ZNF236: variants seen among roughly 807,000 people sequenced by gnomAD.
ZNF236 encodes regulated by glucose.
ZNF236 carries 50 observed loss-of-function variants against 191.2 expected under a neutral mutation model. The observed-to-expected ratio is 0.26, with a 90% confidence interval of 0.21 to 0.33. The LOEUF (loss-of-function observed/expected upper bound fraction) is 0.33, where lower values mean the gene tolerates loss of function less well. ZNF236 is among the 10% of genes least tolerant of loss of function. The pLI is 1.00. For missense variants in ZNF236, 1,754 were observed against 2,374.5 expected (o/e 0.74, Z 5.43); for synonymous variants, 907 against 928.8 (o/e 0.98, Z 0.43).
rs187130751 is a variant in ZNF236, at chr18:76,873,907, C to G, written c.668-1585C>G. On this transcript the variant is annotated intron_variant, in intron 5 of 30. Coordinates refer to ENST00000320610, the MANE Select transcript of ZNF236 (RefSeq NM_001306089.2). ...CCTGTCGTCCTCTCCTGTCCCCATG[C>G]GGGCAGAGCCGTGACCGGGCCACAC... 7.9e-3 allele frequency among the ~76,000 whole-genome samples: 1,196 copies of G among 151,382 alleles called. 7 individuals carry two copies. Among genetic ancestry groups the G allele is most frequent in the Non-Finnish European group, 0.012 (783 of 67,858 alleles).
intron 11 of ZNF236, among the ~76,000 whole-genome samples, chr18:76,899,568 C>T (rs574856199): frequency 1.3e-5 from 2 of 152,258 alleles, no homozygotes; most frequent in African/African-American, 2.4e-5. Context: ...ACACAGTGCA[C>T]GTTGTTGTTT....
At chr18:76,827,219 C>T (rs769461727) in intron 1 of ZNF236, among the ~76,000 whole-genome samples, 17 of 151,726 alleles carry the variant, frequency 1.1e-4, no homozygotes, top group Non-Finnish European at 1.9e-4. Context: ...GAGTTTTGCC[C>T]TTTTTGCCCA....
chr18:76,831,301 A>C (rs1041321167), intron 1 of ZNF236, among the ~76,000 whole-genome samples: 3 of 152,212 alleles, frequency 2.0e-5, no homozygotes, highest in Admixed American at 2.0e-4. Context: ...AGCTGGAAGC[A>C]TTCAGTATGC....
intron 1 of ZNF236, among the ~76,000 whole-genome samples, chr18:76,826,805 A>AG (rs1164948430): frequency 1.3e-5 from 2 of 151,758 alleles, no homozygotes; most frequent in African/African-American, 4.8e-5. Flanking sequence ...GTCTCAAAAA[A>AG]AAAAAAAAAG....
chr18:76,871,557 G>A (rs74905148), intron 4 of ZNF236, 144 bp from the exon 5 acceptor site: 15,991 of 804,256 alleles, frequency 0.02, 209 homozygotes, highest in East Asian at 0.031. Context: ...TATACACACA[G>A]ACACATACAT....
At chr18:76,945,407 A>T (rs1968234342) in intron 26 of ZNF236, among the ~76,000 whole-genome samples, 1 of 152,250 alleles carries the variant, frequency 6.6e-6, no homozygotes, top group Admixed American at 6.5e-5. Flanking sequence ...GTCACAAAAA[A>T]GTATAGCATT....
At position 76,841,548 on chromosome 18, in the gene ZNF236, C is replaced by T. The variant is rs1023805697; in HGVS notation, c.56-7978C>T. 3.3e-5 allele frequency among the ~76,000 whole-genome samples: 5 copies of T among 152,276 alleles called. No homozygotes were observed. The East Asian group carries it at 7.7e-4, about 23-fold the overall frequency. On this transcript the variant is annotated intron_variant, in intron 1 of 30. Coordinates refer to ENST00000320610, the MANE Select transcript of ZNF236 (RefSeq NM_001306089.2). ...AATTGTTTCATTGGAACTACTCATGCCTTTGATAATTGGGTACTTTGGCTT... is the reference window on the plus strand; with the variant it reads ...AATTGTTTCATTGGAACTACTCATGTCTTTGATAATTGGGTACTTTGGCTT...
intron 26 of ZNF236, among the ~76,000 whole-genome samples, chr18:76,946,371 C>T (rs982504003): frequency 5.3e-5 from 8 of 152,240 alleles, no homozygotes; most frequent in African/African-American, 1.9e-4. Flanking sequence ...AAACCTCTTT[C>T]TTTTGTAAAT....
chr18:76,852,105 A>G (rs1975895391), intron 3 of ZNF236, among the ~76,000 whole-genome samples, 166 bp downstream of exon 3: 1 of 152,220 alleles, frequency 6.6e-6, no homozygotes, highest in African/African-American at 2.4e-5. Flanking sequence ...CTGATAAGAC[A>G]TTTTATTTTC....
chr18:76,886,879 G>T (rs1009594588), intron 9 of ZNF236: 11 of 188,930 alleles, frequency 5.8e-5, no homozygotes, highest in Admixed American at 2.4e-4. Context: ...GCTAGTCACC[G>T]CAGCGTCAGT....
chr18:76,920,546 C>T (rs1489231257), intron 20 of ZNF236, among the ~76,000 whole-genome samples: 24 of 38,954 alleles, frequency 6.2e-4, no homozygotes, highest in South Asian at 1.7e-3. Flanking sequence ...AATGAAACTC[C>T]GTCTCAAAAA....
At chr18:76,938,954 G>T (rs760323438) in intron 26 of ZNF236, among the ~76,000 whole-genome samples, 1 of 152,152 alleles carries the variant, frequency 6.6e-6, no homozygotes, top group Non-Finnish European at 1.5e-5. Flanking sequence ...TTCTTCACCT[G>T]CCCTTACGCA....
intron 21 of ZNF236, among the ~76,000 whole-genome samples, chr18:76,923,807 G>A (rs778377187): frequency 4.6e-5 from 7 of 152,022 alleles, no homozygotes; most frequent in East Asian, 3.9e-4. Context: ...TTGTACCTCC[G>A]TCTTTGGGAG....
At chr18:76,847,275 C>G (rs759217365) in intron 1 of ZNF236, among the ~76,000 whole-genome samples, 11 of 152,026 alleles carry the variant, frequency 7.2e-5, no homozygotes, top group Non-Finnish European at 1.2e-4. Context: ...TTAAGTTGAG[C>G]TCTTTTATTA....
intron 13 of ZNF236, among the ~76,000 whole-genome samples, chr18:76,906,231 AGAATTGAC>A (rs1977736258): frequency 6.6e-6 from 1 of 152,228 alleles, no homozygotes; most frequent in African/African-American, 2.4e-5. Context: ...CACCCTCAAC[AGAATTGAC>A]GTTTTTGATT....
Position 76,910,184 on chromosome 18 carries a change from T to G in ZNF236, c.2653+15T>G. On this transcript the variant is annotated intron_variant, in intron 15 of 30. Transcript: ENST00000320610. The stretch of plus-strand genomic sequence containing the variant: ...GCTACCCCAAGGTCAGTGGTGGGTT[T>G]TCAATGAAATTTGTAAGTGAGCTAT... The G allele has an allele frequency of 6.3e-7, 1 of 1,599,764 alleles. No homozygotes were observed. Among genetic ancestry groups the G allele is most frequent in the Non-Finnish European group, 8.6e-7 (1 of 1,168,742 alleles).
intron 10 of ZNF236, among the ~76,000 whole-genome samples, chr18:76,897,313 C>A (rs1568218328): frequency 6.6e-6 from 1 of 151,984 alleles, no homozygotes. Flanking sequence ...CCAAACAGTA[C>A]TGCACACAGG....
At chr18:76,897,879 A>G (rs1977481239) in intron 10 of ZNF236, among the ~76,000 whole-genome samples, 1 of 152,200 alleles carries the variant, frequency 6.6e-6, no homozygotes, top group Non-Finnish European at 1.5e-5. Context: ...TTTCATCAGC[A>G]CTTGTTGAGT....
chr18:76,955,958 A>C, intron 27 of ZNF236, 27 bp from the exon 28 acceptor site: 1 of 1,595,036 alleles, frequency 6.3e-7, no homozygotes, highest in South Asian at 1.1e-5. Context: ...AAGTGAGTGG[A>C]AAGTCACAAT....
Sources: allele counts gnomAD v4.1 joint callset (sites outside exome capture counted in the v4.1 genomes callset), GRCh38; gene constraint gnomAD v4.1.1; transcripts MANE v1.5; gene names NCBI Gene and HGNC (gene_info 2026-07-23, HGNC 2026-07-21).